BACH2: variants seen among roughly 807,000 people sequenced by gnomAD.
BACH2 encodes the protein transcription regulator protein BACH2.
In BACH2, 5 loss-of-function variants were observed where a neutral mutation model predicts 61.8. That is an observed-to-expected ratio of 0.08 (90% CI 0.04 to 0.17). BACH2 has a LOEUF of 0.17. BACH2 is among the 10% of genes least tolerant of loss of function. The pLI is 1.00. For synonymous variants in BACH2, 446 were observed against 440.1 expected (o/e 1.01, Z -0.17); for missense variants, 824 against 1,091.1 (o/e 0.76, Z 3.45).
Position 89,950,144 on chromosome 6 carries a change from GTC to G in BACH2, c.1836+124_1836+125del. Reference sequence around the variant, plus strand: ...CCTGCCTCTGTGGATGGGGAAGGCAGTCTCTCTACTGTCATCTTTAATCTTAG... The same window carrying G: ...CCTGCCTCTGTGGATGGGGAAGGCAGTCTCTACTGTCATCTTTAATCTTAG... On this transcript the variant is annotated intron_variant, in intron 7 of 8. Transcript: ENST00000257749. The surrounding 1 kb of genome is among the most constrained non-coding windows in gnomAD (Gnocchi z 5.3). 3.5e-6 allele frequency: 4 copies of G among 1,128,314 alleles called. No homozygotes were observed. The highest frequency in any genetic ancestry group is 2.7e-6 in the Non-Finnish European group (2 of 752,450). The allele number at this position is 1,128,314 out of a possible 1,614,324, so 69.9% of individuals were successfully genotyped here. A position where few individuals can be genotyped will look rare whatever the true frequency, so the allele number is the denominator to read the frequency against.
At chr6:90,256,665 G>A (rs7752558) in intron 2 of BACH2, among the ~76,000 whole-genome samples, 15,822 of 152,142 alleles carry the variant, frequency 0.1, 1,103 homozygotes, top group East Asian at 0.36. Flanking sequence ...GGTATACAAC[G>A]TGATGTTATA....
intron 5 of BACH2, among the ~76,000 whole-genome samples, chr6:90,085,914 A>C (rs954666234): frequency 1.3e-5 from 2 of 152,176 alleles, no homozygotes; most frequent in Non-Finnish European, 2.9e-5. Context: ...TGCAACTGTC[A>C]TCATCATTCA....
intron 3 of BACH2, among the ~76,000 whole-genome samples, chr6:90,223,723 C>G (rs537793372): frequency 3.3e-5 from 5 of 152,216 alleles, no homozygotes; most frequent in African/African-American, 1.2e-4. Context: ...AATCCACCTG[C>G]CCTGAGCTCC....
At chr6:90,256,290 T>C (rs1288721567) in intron 2 of BACH2, among the ~76,000 whole-genome samples, 1 of 152,184 alleles carries the variant, frequency 6.6e-6, no homozygotes, top group Non-Finnish European at 1.5e-5. Flanking sequence ...TGTGATTGAG[T>C]TCTACCACGA....
At chr6:89,980,347 G>C (rs187843259) in intron 6 of BACH2, among the ~76,000 whole-genome samples, 7 of 152,140 alleles carry the variant, frequency 4.6e-5, no homozygotes, top group African/African-American at 1.7e-4. Flanking sequence ...CATCATCCTT[G>C]GTAAAATGAA....
At chr6:90,100,728 GACACAC>G (rs367693277) in intron 4 of BACH2, among the ~76,000 whole-genome samples, 2 of 142,270 alleles carry the variant, frequency 1.4e-5, no homozygotes, top group East Asian at 2.1e-4. Context: ...CACACACACA[GACACAC>G]ACACACACAC....
chr6:89,969,738 A>G (rs777046340), intron 6 of BACH2, among the ~76,000 whole-genome samples: 19 of 152,188 alleles, frequency 1.2e-4, no homozygotes, highest in Non-Finnish European at 2.2e-4. Context: ...ATGACATGAC[A>G]GGAAGAGAAA....
intron 2 of BACH2, among the ~76,000 whole-genome samples, chr6:90,264,448 T>C (rs1160711080): frequency 6.6e-6 from 1 of 152,202 alleles, no homozygotes; most frequent in African/African-American, 2.4e-5. Context: ...TAAATGTTCT[T>C]CATATGATTC....
Position 90,287,856 on chromosome 6 carries a change from G to C in BACH2, c.-446+8624C>G, listed in dbSNP as rs375365332. 1.3e-4 allele frequency among the ~76,000 whole-genome samples: 20 copies of C among 152,124 alleles called. 2 individuals are homozygous for C. The highest frequency in any genetic ancestry group is 1.2e-3 in the Admixed American group (19 of 15,266). ...AGTATGCTCAGTTACTTATATATTA[G>C]TAAAACTGTGTTCATAAAATCTTTC... On this transcript the variant is annotated intron_variant, in intron 1 of 8. Transcript: ENST00000257749.
intron 3 of BACH2, among the ~76,000 whole-genome samples, chr6:90,225,337 T>G (rs1769877549): frequency 6.6e-6 from 1 of 152,082 alleles, no homozygotes; most frequent in Non-Finnish European, 1.5e-5. Context: ...CAGTGAGCTG[T>G]GATCATGCCA....
At chr6:90,250,044 G>A (rs559645098) in intron 3 of BACH2, among the ~76,000 whole-genome samples, 1 of 152,138 alleles carries the variant, frequency 6.6e-6, no homozygotes, top group South Asian at 2.1e-4. Flanking sequence ...TCAAAAAAAG[G>A]TAATGCACTC....
intron 6 of BACH2, among the ~76,000 whole-genome samples, chr6:90,006,442 C>T (rs1354744039): frequency 6.6e-6 from 1 of 152,210 alleles, no homozygotes; most frequent in Non-Finnish European, 1.5e-5. Context: ...CCAGTCCCCA[C>T]TCCTTATCCC....
intron 3 of BACH2, among the ~76,000 whole-genome samples, chr6:90,215,070 T>C (rs1368492945): frequency 6.6e-6 from 1 of 152,172 alleles, no homozygotes; most frequent in African/African-American, 2.4e-5. Flanking sequence ...CTGTACTTAT[T>C]ATCAGCATCT....
intron 4 of BACH2, among the ~76,000 whole-genome samples, chr6:90,091,463 G>A (rs1286923850): frequency 6.6e-6 from 1 of 152,060 alleles, no homozygotes; most frequent in Non-Finnish European, 1.5e-5. Flanking sequence ...ATGTGGCTAC[G>A]AATTAGGAAT....
intron 4 of BACH2, among the ~76,000 whole-genome samples, chr6:90,198,788 CTG>C (rs1768855210): frequency 6.6e-6 from 1 of 152,166 alleles, no homozygotes; most frequent in South Asian, 2.1e-4. Flanking sequence ...AACATGAAGA[CTG>C]TGATATGGTT....
At chr6:90,196,188 T>C (rs1768752749) in intron 4 of BACH2, among the ~76,000 whole-genome samples, 1 of 152,074 alleles carries the variant, frequency 6.6e-6, no homozygotes, top group South Asian at 2.1e-4. Context: ...GATTGCAACT[T>C]GATTAGAATA....
chr6:89,951,127 C>T lies in BACH2; in HGVS notation c.979G>A (p.Ala327Thr), dbSNP rs778156516. The change falls in exon 7 of 9, where the codon GCC (alanine) becomes ACC (threonine). Residue 327 changes from alanine (A) to threonine (T), a missense_variant. Coordinates refer to ENST00000257749, the MANE Select transcript of BACH2 (RefSeq NM_021813.4). The surrounding 1 kb of genome is among the most constrained non-coding windows in gnomAD (Gnocchi z 6.4). The part of the protein sequence containing the change: ...APTPTAPAGA[A>T]CLERSRSVAS... ...ACGCTCCTGGATCTCTCCAGGCAGG[C>T]GGCCCCAGCTGGGGCCGTGGGGGTA... The T allele has an allele frequency of 3.3e-5, 52 of 1,594,912 alleles. No individual in the cohort carries two copies. The highest frequency in any genetic ancestry group is 1.2e-4 in the Admixed American group (7 of 58,598).
In BACH2 at chr6:90,070,990, GT is replaced by G. The variant is rs935613893; in HGVS notation, c.-13+17970del. Among the ~76,000 whole-genome samples, 57 of 151,888 alleles carry G rather than the reference GT, an allele frequency of 3.8e-4. 1 individual carries two copies. Among genetic ancestry groups the G allele is most frequent in the African/African-American group, 1.3e-3 (54 of 41,434 alleles). The stretch of plus-strand genomic sequence containing the variant: ...CTTTTCTTTCCTTTGTTTTTTGTTT[GT>G]TTTTTTGGGGGGAAGTCAGAGTCTT... On this transcript the variant is annotated intron_variant, in intron 5 of 8. Transcript: ENST00000257749.
chr6:90,296,250 T>A (rs539633981), intron 1 of BACH2, among the ~76,000 whole-genome samples: 1 of 151,944 alleles, frequency 6.6e-6, no homozygotes, highest in African/African-American at 2.4e-5. Context: ...AGAGCACACA[T>A]TCGGCGCGGC....
Sources: gnomAD v4.1 joint callset for allele counts (sites outside exome capture counted in the v4.1 genomes callset) on GRCh38, gnomAD v4.1.1 for gene constraint, Gnocchi (gnomAD v3.1) non-coding constraint, MANE v1.5 for transcripts, NCBI Gene and HGNC (gene_info 2026-07-23, HGNC 2026-07-21) for gene names.